ERBIN: variants seen among roughly 807,000 people sequenced by gnomAD.
ERBIN encodes densin-180-like protein.
In ERBIN, 60 loss-of-function variants were observed where a neutral mutation model predicts 158.4. The observed-to-expected ratio is 0.38, with a 90% confidence interval of 0.31 to 0.47. The LOEUF (loss-of-function observed/expected upper bound fraction) is 0.47, where lower values mean the gene tolerates loss of function less well. Among genes scored for constraint, ERBIN ranks in the 20% least tolerant of loss-of-function variants. ERBIN has a pLI of 0.99. For synonymous variants in ERBIN, 594 were observed against 557.2 expected, an observed-to-expected ratio of 1.07 and a Z score of -0.93; for missense variants, 1,610 against 1,648.0, an observed-to-expected ratio of 0.98 and a Z score of 0.40.
chr5:65,970,051 T>C (rs1245313074), intron 1 of ERBIN, among the ~76,000 whole-genome samples: 1 of 152,200 alleles, frequency 6.6e-6, no homozygotes, highest in Non-Finnish European at 1.5e-5. Flanking sequence ...CCAAAGTAAT[T>C]GAATCAGCAA....
rs770849180 is a variant in ERBIN, at chr5:66,054,276, A to G, written c.2958A>G (p.Ala986=). The change falls in exon 21 of 26, where the codon GCA becomes GCG. Residue 986 remains alanine (A), a synonymous_variant. Transcript: ENST00000284037. ...QYNIQYSSSA[A]VKDTLWHSKQ... ...ATATCCAATACAGTAGCAGTGCTGC[A>G]GTCAAAGACACTTTGTGGCACTCCA... is the stretch of plus-strand genomic sequence containing the variant. 1 of 1,614,198 alleles carries G rather than the reference A, an allele frequency of 6.2e-7. No homozygotes were observed. Among genetic ancestry groups the G allele is most frequent in the South Asian group, 1.1e-5 (1 of 91,082 alleles).
chr5:65,991,767 C>T (rs1291820477), intron 2 of ERBIN, among the ~76,000 whole-genome samples: 1 of 152,104 alleles, frequency 6.6e-6, no homozygotes. Flanking sequence ...TGGCCTTTTC[C>T]CTCAATTAAT....
chr5:65,936,256 C>T (rs987940515), intron 1 of ERBIN, among the ~76,000 whole-genome samples: 1 of 151,986 alleles, frequency 6.6e-6, no homozygotes, highest in African/African-American at 2.4e-5. Flanking sequence ...TATCACACAA[C>T]CTAGAATAAG....
chr5:66,074,394 G>A (rs1386941361), intron 22 of ERBIN, among the ~76,000 whole-genome samples: 1 of 147,426 alleles, frequency 6.8e-6, no homozygotes, highest in Non-Finnish European at 1.5e-5. Flanking sequence ...AATTTTTATG[G>A]CTAATAGTCT....
chr5:65,974,038 C>T (rs1259598654), intron 1 of ERBIN, among the ~76,000 whole-genome samples: 3 of 150,984 alleles, frequency 2.0e-5, no homozygotes, highest in Non-Finnish European at 4.4e-5. Context: ...AGTTTGAGAC[C>T]AGCCTGGGCA....
intron 18 of ERBIN, 40 bp from the exon 19 acceptor site, chr5:66,048,627 A>G (rs1758697594): frequency 8.3e-7 from 1 of 1,211,802 alleles, no homozygotes; most frequent in South Asian, 1.4e-5. Context: ...TTAAAGAAAC[A>G]AAAATTTAAT....
intron 25 of ERBIN, 147 bp from the exon 26 acceptor site, chr5:66,078,276 C>T (rs1214604744): frequency 4.9e-6 from 3 of 606,234 alleles, no homozygotes; most frequent in Non-Finnish European, 5.8e-6. Context: ...GACTTTATTC[C>T]TTGGTTTGGG....
At chr5:66,045,487 T>C (rs1758344347) in intron 17 of ERBIN, among the ~76,000 whole-genome samples, 1 of 148,966 alleles carries the variant, frequency 6.7e-6, no homozygotes, top group Non-Finnish European at 1.5e-5. Flanking sequence ...ATATTACATA[T>C]AGCCTATGTG....
At chr5:66,072,412 TAGTA>T (rs1761612598) in intron 22 of ERBIN, 121 bp downstream of exon 22, 1 of 962,794 alleles carries the variant, frequency 1.0e-6, no homozygotes, top group Admixed American at 3.5e-5. Context: ...CCCCCTTTAT[TAGTA>T]AGGATTTTTA....
Position 66,038,457 on chromosome 5 carries a change from C to G in ERBIN, c.1281C>G (p.Phe427Leu). The change falls in exon 15 of 26, where the codon TTC (phenylalanine) becomes TTG (leucine). Residue 427 changes from phenylalanine (F) to leucine (L), a missense_variant. Around this residue, in one of 2 missense-constraint regions of ERBIN, gnomAD observed 596 missense variants for 711.9 expected, o/e 0.84. Coordinates refer to ENST00000284037, the MANE Select transcript of ERBIN (RefSeq NM_001253697.2). ...TQKMVLTNYM[F>L]PQQPRTEDVM... ...AAATGGTGCTTACCAACTACATGTT[C>G]CCTCAACAGCCAAGGACTGAGGATG... 6.2e-7 allele frequency: 1 copy of G among 1,610,482 alleles called. No homozygotes were observed. The highest frequency in any genetic ancestry group is 8.5e-7 in the Non-Finnish European group (1 of 1,177,712).
intron 15 of ERBIN, among the ~76,000 whole-genome samples, chr5:66,039,908 C>T (rs1757766859): frequency 1.3e-5 from 2 of 151,834 alleles, no homozygotes; most frequent in African/African-American, 4.8e-5. Context: ...CATCTAAATA[C>T]AAGTCATCAG....
chr5:66,006,363 C>T (rs1753598533), intron 4 of ERBIN, among the ~76,000 whole-genome samples: 1 of 152,166 alleles, frequency 6.6e-6, no homozygotes, highest in African/African-American at 2.4e-5. Flanking sequence ...AAACTGGATC[C>T]CTTCCTTACA....
chr5:65,942,699 C>T (rs972638191), intron 1 of ERBIN, among the ~76,000 whole-genome samples: 5 of 152,002 alleles, frequency 3.3e-5, no homozygotes, highest in Admixed American at 6.6e-5. Flanking sequence ...CTGAGGCAGG[C>T]GGATCACTTG....
chr5:65,940,483 C>A (rs1288780536), intron 1 of ERBIN, among the ~76,000 whole-genome samples: 3 of 130,300 alleles, frequency 2.3e-5, no homozygotes, highest in East Asian at 2.2e-4. Flanking sequence ...CAGTCCCCCC[C>A]CCCCCGGCCA....
chr5:65,937,116 A>G (rs577878563), intron 1 of ERBIN, among the ~76,000 whole-genome samples: 2 of 152,366 alleles, frequency 1.3e-5, no homozygotes, highest in East Asian at 3.9e-4. Flanking sequence ...GTACATATAC[A>G]GTGTGCCTTT....
At chr5:65,989,101 G>A (rs968955751) in intron 2 of ERBIN, among the ~76,000 whole-genome samples, 23 of 149,468 alleles carry the variant, frequency 1.5e-4, no homozygotes, top group African/African-American at 4.9e-4. Context: ...TTTATAAAGT[G>A]GCTCTTCCTT....
chr5:65,992,081 T>C (rs1287542896), intron 2 of ERBIN, among the ~76,000 whole-genome samples: 1 of 152,198 alleles, frequency 6.6e-6, no homozygotes, highest in Non-Finnish European at 1.5e-5. Flanking sequence ...AGAAATTAAG[T>C]AAAATTAAAT....
intron 1 of ERBIN, among the ~76,000 whole-genome samples, chr5:65,935,353 T>C (rs1239504504): frequency 1.3e-5 from 2 of 151,400 alleles, no homozygotes; most frequent in African/African-American, 4.9e-5. Context: ...CTCTAAGTTG[T>C]TTTTTTTCCC....
chr5:65,989,539 G>A (rs191962704), intron 2 of ERBIN, among the ~76,000 whole-genome samples: 1 of 152,218 alleles, frequency 6.6e-6, no homozygotes, highest in Non-Finnish European at 1.5e-5. Flanking sequence ...TTTCAGAGAA[G>A]TTCTGCAATT....
Sources: allele counts gnomAD v4.1 joint callset (sites outside exome capture counted in the v4.1 genomes callset), GRCh38; gene constraint gnomAD v4.1.1; regional missense constraint gnomAD v4.1.1; transcripts MANE v1.5; gene names NCBI Gene and HGNC (gene_info 2026-07-23, HGNC 2026-07-21).